Variants in SELENOW observed in about 807,000 individuals in gnomAD.
SELENOW encodes the protein selenoprotein W, 1.
In SELENOW, 20 loss-of-function variants were observed where a neutral mutation model predicts 16.6. The observed-to-expected ratio is 1.21, with a 90% CI of 0.85 to 1.76. The LOEUF (loss-of-function observed/expected upper bound fraction) is 1.76, where lower values mean the gene tolerates loss of function less well. Among genes scored for constraint, SELENOW ranks in the 40% most tolerant of loss-of-function variants. SELENOW has a pLI of 0.00. For synonymous variants in SELENOW, 44 were observed against 46.2 expected, an observed-to-expected ratio of 0.95 and a Z score of 0.19; for missense variants, 124 against 111.0, an observed-to-expected ratio of 1.12 and a Z score of -0.53.
intron 2 of SELENOW, 42 bp downstream of exon 2, chr19:47,780,791 G>T: frequency 6.3e-7 from 1 of 1,593,150 alleles, no homozygotes; most frequent in Non-Finnish European, 8.5e-7. Flanking sequence ...TGGGAGCTGG[G>T]GAGGGGTAGA....
chr19:47,779,003 T>C, intron 1 of SELENOW, 189 bp downstream of exon 1: 1 of 567,228 alleles, frequency 1.8e-6, no homozygotes, highest in East Asian at 3.2e-5. Flanking sequence ...AGGCCCCGTC[T>C]TCGACTTGTG....
chr19:47,780,512 C>CT lies in SELENOW; in HGVS notation c.30-212dup, dbSNP rs144308281. 9.2e-4 allele frequency: 548 copies of CT among 598,522 alleles called. 2 individuals are homozygous for CT. The highest frequency in any genetic ancestry group is 4.4e-3 in the Middle Eastern group (10 of 2,262). The allele number at this position is 598,522 out of a possible 1,614,324, so 37.1% of individuals were successfully genotyped here. On this transcript the variant is annotated intron_variant, in intron 1 of 5. Coordinates refer to ENST00000601048, the MANE Select transcript of SELENOW (RefSeq NM_003009.4). Reference sequence around the variant, plus strand: ...TCTCTGTGTGTCCCCGCGCCACCCCCTGTGCTGTGTCCCAAAACTCTGCCT... The same window carrying CT: ...TCTCTGTGTGTCCCCGCGCCACCCCCTTGTGCTGTGTCCCAAAACTCTGCCT...
intron 1 of SELENOW, chr19:47,780,205 C>G (rs1450535378): frequency 4.8e-6 from 2 of 412,652 alleles, no homozygotes; most frequent in Non-Finnish European, 9.9e-6. Context: ...GTTAGGAGTT[C>G]GAGACCAGCC....
rs543530975 is a variant in SELENOW at position 47,780,463 on chromosome 19, T to C, written c.30-262T>C. 4.8e-4 allele frequency: 262 copies of C among 550,830 alleles called. 2 individuals carry two copies. In the Admixed American group the frequency reaches 7.8e-3, roughly 16 times the overall value. 34.1% of individuals were successfully genotyped at this position (550,830 alleles called of 1,614,324 possible). A position where few individuals can be genotyped will look rare whatever the true frequency, so the allele number is the denominator to read the frequency against. ...TTTCCCCTCCCCCTTCTCTGTCTCT[T>C]GCTTGGTGTTGGTTTTCTGTGTGTC... On this transcript the variant is annotated intron_variant, in intron 1 of 5. Coordinates refer to ENST00000601048, the MANE Select transcript of SELENOW (RefSeq NM_003009.4).
intron 1 of SELENOW, 94 bp from the exon 2 acceptor site, chr19:47,780,631 C>T (rs1408606348): frequency 5.6e-6 from 6 of 1,075,448 alleles, no homozygotes; most frequent in African/African-American, 1.6e-5. Context: ...CCATCTTGCT[C>T]TCTCCCCACA....
At position 47,781,296 on chromosome 19, in the gene SELENOW, G is replaced by A. The variant is rs550544996; in HGVS notation, c.190G>A (p.Asp64Asn). The change falls in exon 5 of 6, where the codon GAT becomes AAT. Residue 64 changes from aspartate to asparagine, a missense_variant. Transcript: ENST00000601048. ...CTCTTCCTCCCCTCCCTAGAAAGGC[G>A]ATGGCTACGTGGACACAGAAAGCAA... ...GKLIHSKKKGDGYVDTESKFL... is the reference protein window; with the variant it reads ...GKLIHSKKKGNGYVDTESKFL... 7.4e-6 allele frequency: 12 copies of A among 1,613,582 alleles called. No homozygotes were observed. In the African/African-American group the frequency reaches 1.2e-4, roughly 16 times the overall value.
rs763404214 is a variant in SELENOW at position 47,781,266 on chromosome 19, C to T, written c.184-24C>T. 7 of 1,608,170 alleles carry T rather than the reference C, an allele frequency of 4.4e-6. No individual in the cohort carries two copies. The African/African-American group carries it at 9.4e-5, about 21-fold the overall frequency. ...TTGGTGTCTCGGTCCCAGCTCACCC[C>T]TTCCCTCTTCCTCCCCTCCCTAGAA... On this transcript the variant is annotated intron_variant, in intron 4 of 5. Coordinates refer to ENST00000601048, the MANE Select transcript of SELENOW (RefSeq NM_003009.4).
chr19:47,780,785 A>C, intron 2 of SELENOW, 36 bp downstream of exon 2: 1 of 1,587,852 alleles, frequency 6.3e-7, no homozygotes, highest in Non-Finnish European at 8.6e-7. Context: ...CATTCCTGGG[A>C]GCTGGGGAGG....
intron 5 of SELENOW, chr19:47,782,550 T>TTC (rs1967488511): frequency 6.6e-6 from 1 of 151,170 alleles, no homozygotes; most frequent in Non-Finnish European, 1.5e-5. Flanking sequence ...CTTTCTTTCT[T>TTC]TTTTTTTTGA....
intron 1 of SELENOW, 31 bp downstream of exon 1, chr19:47,778,845 C>A (rs1395062488): frequency 1.3e-6 from 2 of 1,589,050 alleles, no homozygotes; most frequent in African/African-American, 1.3e-5. Flanking sequence ...CCCCCGTCCC[C>A]GACCCCCGCC....
chr19:47,779,310 CAGTTTTCCGTCTGTGGCA>C (rs2043251496), intron 1 of SELENOW: 1 of 156,902 alleles, frequency 6.4e-6, no homozygotes, highest in South Asian at 1.9e-4. Flanking sequence ...TTTCTGGCCT[CAGTTTTCCGTCTGTGGCA>C]AGAGGGAGGC....
chr19:47,781,035 C>G, intron 3 of SELENOW, 73 bp from the exon 4 acceptor site: 1 of 1,560,772 alleles, frequency 6.4e-7, no homozygotes, highest in Non-Finnish European at 8.8e-7. Flanking sequence ...GTTCTCATCC[C>G]CCTGGGAAGG....
chr19:47,781,443 T>C, intron 5 of SELENOW, 55 bp downstream of exon 5: 1 of 977,730 alleles, frequency 1.0e-6, no homozygotes, highest in South Asian at 1.4e-5. Context: ...CCCTGCCCCA[T>C]GCTCTGACTC....
chr19:47,781,202 C>G lies in SELENOW; in HGVS notation c.183+20C>G, dbSNP rs1314201607. 6.2e-7 allele frequency: 1 copy of G among 1,612,398 alleles called. No individual in the cohort carries two copies. Among genetic ancestry groups the G allele is most frequent in the Non-Finnish European group, 8.5e-7 (1 of 1,178,592 alleles). Reference sequence around the variant, plus strand: ...AAGAAGGTATGTCTGTCTGTCCGTCCTGCCTGGTTTTGGGGCTAGCATGGG... The same window carrying G: ...AAGAAGGTATGTCTGTCTGTCCGTCGTGCCTGGTTTTGGGGCTAGCATGGG... On this transcript the variant is annotated intron_variant, in intron 4 of 5. Coordinates refer to ENST00000601048, the MANE Select transcript of SELENOW (RefSeq NM_003009.4).
chr19:47,779,181 T>C lies in SELENOW; in HGVS notation c.29+367T>C, dbSNP rs558433165. The C allele has an allele frequency of 1.9e-4, 47 of 247,482 alleles. No individual in the cohort carries two copies. The East Asian group carries it at 3.9e-3, about 21-fold the overall frequency. 15.3% of individuals were successfully genotyped at this position (247,482 alleles called of 1,614,324 possible). A position where few individuals can be genotyped will look rare whatever the true frequency, so the allele number is the denominator to read the frequency against. On this transcript the variant is annotated intron_variant, in intron 1 of 5. Coordinates refer to ENST00000601048, the MANE Select transcript of SELENOW (RefSeq NM_003009.4). ...TCCCCTCCCCCAATATCCCGAACAG[T>C]CGCGGGGTGGGGACAGTGAGAGCCC...
chr19:47,781,370 A>G lies in SELENOW; in HGVS notation c.264A>G (p.Ter88=). ...AAIKAALAQG[*] is the part of the protein sequence containing the mutation. ...TCAAAGCCGCCTTGGCTCAGGGCTA[A>G]TGCGCCCTGAAGGCAGAGGTGAGGG... Residue 88 remains the stop codon, a stop_retained_variant, in exon 5 of 6, where the codon TAA becomes TAG. Coordinates refer to ENST00000601048, the MANE Select transcript of SELENOW (RefSeq NM_003009.4). 6.3e-7 allele frequency: 1 copy of G among 1,585,356 alleles called. No individual in the cohort carries two copies. The highest frequency in any genetic ancestry group is 1.1e-5 in the South Asian group (1 of 88,844).
Position 47,780,875 on chromosome 19 carries a change from C to T in SELENOW, c.66C>T (p.Leu22=). Residue 22 remains leucine, a synonymous_variant, in exon 3 of 6, where the codon CTC becomes CTT. Transcript: ENST00000601048. ...AUGYKSKYLQ[L]KKKLEDEFPG... ...CACCGCGTTTTCAGTATCTTCAGCT[C>T]AAGAAGAAGTTAGAAGATGAGTTCC... The T allele has an allele frequency of 6.2e-7, 1 of 1,613,060 alleles. No individual in the cohort carries two copies. Among genetic ancestry groups the T allele is most frequent in the Non-Finnish European group, 8.5e-7 (1 of 1,179,656 alleles).
At chr19:47,780,786 G>T in intron 2 of SELENOW, 37 bp downstream of exon 2, 1 of 1,589,090 alleles carries the variant, frequency 6.3e-7, no homozygotes. Flanking sequence ...ATTCCTGGGA[G>T]CTGGGGAGGG....
intron 1 of SELENOW, 90 bp downstream of exon 1, chr19:47,778,904 C>T: frequency 3.0e-6 from 4 of 1,339,044 alleles, no homozygotes; most frequent in Non-Finnish European, 4.1e-6. Flanking sequence ...GGAGAGGACC[C>T]ATGGGAGCCC....
Sources: allele counts gnomAD v4.1 joint callset, GRCh38; gene constraint gnomAD v4.1.1; transcripts MANE v1.5; gene names NCBI Gene and HGNC (gene_info 2026-07-23, HGNC 2026-07-21).